PCDHA3: variants seen among roughly 807,000 people sequenced by gnomAD.
The protein encoded by PCDHA3 is protocadherin alpha-3.
Under a neutral mutation model 62.2 loss-of-function variants are expected in PCDHA3, and 41 were observed. The ratio of observed to expected loss-of-function variants is 0.66; its 90% CI spans 0.51 to 0.86. The LOEUF is 0.86. Among genes scored for constraint, PCDHA3 ranks in the 40% least tolerant of loss-of-function variants. The pLI is 0.00. For synonymous variants in PCDHA3, 640 were observed against 555.4 expected (o/e 1.15, Z -2.14); for missense variants, 1,304 against 1,241.2 (o/e 1.05, Z -0.76).
intron 1 of PCDHA3, chr5:140,857,400 C>A: frequency 6.3e-7 from 1 of 1,598,488 alleles, no homozygotes; most frequent in Non-Finnish European, 8.6e-7. Flanking sequence ...AACGACAACG[C>A]GCCTGCGTTC....
chr5:140,872,792 G>T (rs1474880199), intron 1 of PCDHA3, among the ~76,000 whole-genome samples: 1 of 152,054 alleles, frequency 6.6e-6, no homozygotes, highest in African/African-American at 2.4e-5. Context: ...ATGCTAGTTG[G>T]CATTCTTCCA....
intron 1 of PCDHA3, among the ~76,000 whole-genome samples, chr5:140,970,399 G>A (rs2096402631): frequency 6.6e-6 from 1 of 152,172 alleles, no homozygotes; most frequent in Non-Finnish European, 1.5e-5. Flanking sequence ...AAAGTGGATG[G>A]CTTACCCTAC....
intron 1 of PCDHA3, among the ~76,000 whole-genome samples, chr5:140,892,451 C>A (rs782296222): frequency 1.2e-4 from 19 of 152,128 alleles, no homozygotes; most frequent in Non-Finnish European, 2.5e-4. Flanking sequence ...TACATGTATT[C>A]TTTAAGTACG....
At position 140,966,633 on chromosome 5, in the gene PCDHA3, C is replaced by T. The variant is rs2096029445; in HGVS notation, c.2395-12316C>T. ...GGCCTACGGAGGGAGCGGCCCCAGG[C>T]GCTTTCTAGAGCGTGAGCGGTGGGG... On this transcript the variant is annotated intron_variant, in intron 1 of 3. Transcript: ENST00000522353. 9 of 1,005,684 alleles carry T rather than the reference C, an allele frequency of 8.9e-6. No homozygotes were observed. In the South Asian group the frequency reaches 1.6e-4, roughly 18 times the overall value. 62.3% of individuals were successfully genotyped at this position (1,005,684 alleles called of 1,614,324 possible).
At chr5:140,937,878 C>G (rs2091818368) in intron 1 of PCDHA3, among the ~76,000 whole-genome samples, 1 of 150,504 alleles carries the variant, frequency 6.6e-6, no homozygotes, top group Admixed American at 6.6e-5. Context: ...CGCCACTGCA[C>G]TCCAGCCTGG....
At chr5:140,996,752 GT>G (rs1406262736) in intron 3 of PCDHA3, among the ~76,000 whole-genome samples, 2 of 152,208 alleles carry the variant, frequency 1.3e-5, no homozygotes, top group East Asian at 3.9e-4. Flanking sequence ...AATTATATCT[GT>G]GCAGGACTAA....
At chr5:140,987,749 GT>G (rs1554249497) in intron 3 of PCDHA3, among the ~76,000 whole-genome samples, 1 of 152,142 alleles carries the variant, frequency 6.6e-6, no homozygotes, top group African/African-American at 2.4e-5. Context: ...GACCCAGGTT[GT>G]TCTGAGTATT....
chr5:140,999,139 C>T lies in PCDHA3; in HGVS notation c.2543-10488C>T, dbSNP rs185453971. 2.6e-3 allele frequency among the ~76,000 whole-genome samples: 401 copies of T among 152,236 alleles called. 3 individuals carry two copies. The highest frequency in any genetic ancestry group is 5.8e-3 in the South Asian group (28 of 4,818). On this transcript the variant is annotated intron_variant, in intron 3 of 3. Coordinates refer to ENST00000522353, the MANE Select transcript of PCDHA3 (RefSeq NM_018906.3). ...TTTCTAAGCTGGAAAATGTCACAGCCGGAAGTCTTCAGTCCCCTAGAAGGA... is the reference window on the plus strand; with the variant it reads ...TTTCTAAGCTGGAAAATGTCACAGCTGGAAGTCTTCAGTCCCCTAGAAGGA...
At chr5:140,819,076 G>C (rs1161309485) in intron 1 of PCDHA3, among the ~76,000 whole-genome samples, 3 of 152,068 alleles carry the variant, frequency 2.0e-5, no homozygotes, top group Non-Finnish European at 4.4e-5. Context: ...CATTATACAG[G>C]CAGCGCTAAG....
intron 1 of PCDHA3, among the ~76,000 whole-genome samples, chr5:140,889,588 GA>G (rs2062289236): frequency 6.6e-6 from 1 of 151,768 alleles, no homozygotes; most frequent in East Asian, 1.9e-4. Context: ...TTTTTGCTTT[GA>G]AATATTTTTA....
chr5:140,863,330 T>A, intron 1 of PCDHA3: 1 of 1,412,828 alleles, frequency 7.1e-7, no homozygotes, highest in Admixed American at 1.8e-5. Flanking sequence ...CTGTTAGTGC[T>A]CACGTTGCTG....
At chr5:140,930,675 A>G (rs1326713897) in intron 1 of PCDHA3, among the ~76,000 whole-genome samples, 2 of 152,234 alleles carry the variant, frequency 1.3e-5, no homozygotes, top group Non-Finnish European at 2.9e-5. Flanking sequence ...TATTCTAGGC[A>G]ATAAGGGGAA....
intron 1 of PCDHA3, chr5:140,829,805 G>A: frequency 6.2e-7 from 1 of 1,613,860 alleles, no homozygotes; most frequent in Non-Finnish European, 8.5e-7. Context: ...TCGGGTGGGT[G>A]GTACTGGTGG....
intron 1 of PCDHA3, among the ~76,000 whole-genome samples, chr5:140,873,904 G>A (rs936002886): frequency 6.6e-6 from 1 of 152,074 alleles, no homozygotes; most frequent in African/African-American, 2.4e-5. Flanking sequence ...CAGGTGATCT[G>A]CCTGCCTCAG....
intron 1 of PCDHA3, among the ~76,000 whole-genome samples, chr5:140,894,494 T>C (rs1412845995): frequency 6.6e-6 from 1 of 151,992 alleles, no homozygotes; most frequent in Non-Finnish European, 1.5e-5. Flanking sequence ...TAGTTTTCTT[T>C]AGGCATTATC....
At chr5:140,926,972 C>A (rs782504064) in intron 1 of PCDHA3, 2 of 1,609,464 alleles carry the variant, frequency 1.2e-6, no homozygotes. Flanking sequence ...TACTCAGTGC[C>A]GGAGGAGACG....
At chr5:140,810,496 A>G (rs1258787751) in intron 1 of PCDHA3, 1 of 152,222 alleles carries the variant, frequency 6.6e-6, no homozygotes, top group Non-Finnish European at 1.5e-5. Context: ...TACATTTGTC[A>G]GGTTATTTTC....
intron 3 of PCDHA3, among the ~76,000 whole-genome samples, chr5:140,995,652 C>T (rs1018975214): frequency 2.0e-5 from 3 of 151,828 alleles, no homozygotes; most frequent in East Asian, 1.9e-4. Context: ...AAAGGAGAAT[C>T]GAAAAGGGAA....
At chr5:140,842,125 T>C (rs1777718972) in intron 1 of PCDHA3, 1 of 1,613,772 alleles carries the variant, frequency 6.2e-7, no homozygotes, top group Non-Finnish European at 8.5e-7. Context: ...ATGCTTCTGA[T>C]CCGGATGAAG....
Sources: gnomAD v4.1 joint callset for allele counts (sites outside exome capture counted in the v4.1 genomes callset) on GRCh38, gnomAD v4.1.1 for gene constraint, MANE v1.5 for transcripts, NCBI Gene and HGNC (gene_info 2026-07-23, HGNC 2026-07-21) for gene names.